SCAF8: variants seen among roughly 807,000 people sequenced by gnomAD.
The protein encoded by SCAF8 is SR-related CTD associated factor 8, also known as SR-related and CTD-associated factor 8.
In SCAF8, 23 loss-of-function variants were observed where a neutral mutation model predicts 140.5. The observed-to-expected ratio is 0.16, with a 90% CI of 0.12 to 0.23. The LOEUF (loss-of-function observed/expected upper bound fraction) is 0.23, where lower values mean the gene tolerates loss of function less well. SCAF8 is among the 10% of genes least tolerant of loss of function. The pLI is 1.00. For missense variants in SCAF8, 1,397 were observed against 1,555.7 expected (o/e 0.90, Z 1.72); for synonymous variants, 575 against 528.9 (o/e 1.09, Z -1.20).
chr6:154,822,870 G>T (rs1299436087), intron 16 of SCAF8, among the ~76,000 whole-genome samples: 6 of 152,128 alleles, frequency 3.9e-5, no homozygotes. Context: ...AGAAATCTCT[G>T]CCCTTTTGGA....
chr6:154,813,263 AC>A (rs1297066117), intron 12 of SCAF8, among the ~76,000 whole-genome samples: 4 of 151,942 alleles, frequency 2.6e-5, no homozygotes, highest in African/African-American at 9.7e-5. Context: ...ACTGGCTCAA[AC>A]CTATAATCCC....
intron 7 of SCAF8, among the ~76,000 whole-genome samples, 161 bp from the exon 8 acceptor site, chr6:154,803,383 C>T (rs1395221417): frequency 6.6e-6 from 1 of 152,068 alleles, no homozygotes; most frequent in Non-Finnish European, 1.5e-5. Context: ...AAGAAAAGAT[C>T]TACTCAAAAC....
intron 1 of SCAF8, among the ~76,000 whole-genome samples, chr6:154,742,454 A>G (rs1582993486): frequency 1.3e-5 from 2 of 152,208 alleles, no homozygotes; most frequent in Non-Finnish European, 2.9e-5. Flanking sequence ...TTCTAATTAT[A>G]GAGGCAGCAG....
At chr6:154,734,458 A>T (rs1406538070) in intron 1 of SCAF8, among the ~76,000 whole-genome samples, 4 of 152,230 alleles carry the variant, frequency 2.6e-5, no homozygotes, top group African/African-American at 9.6e-5. Context: ...GTAATTTGCC[A>T]GCTAGGGACT....
At chr6:154,749,522 G>A (rs1357042458) in intron 1 of SCAF8, among the ~76,000 whole-genome samples, 1 of 152,128 alleles carries the variant, frequency 6.6e-6, no homozygotes, top group Non-Finnish European at 1.5e-5. Context: ...GGAATATGAT[G>A]AAAAGTAATA....
intron 2 of SCAF8, among the ~76,000 whole-genome samples, chr6:154,777,387 G>A (rs969937370): frequency 2.6e-5 from 4 of 152,072 alleles, no homozygotes; most frequent in African/African-American, 9.7e-5. Flanking sequence ...TCTTAAAATT[G>A]ATAGTGGCCA....
At chr6:154,819,069 T>A (rs1449250883) in intron 14 of SCAF8, among the ~76,000 whole-genome samples, 1 of 134,870 alleles carries the variant, frequency 7.4e-6, no homozygotes, top group Middle Eastern at 3.5e-3. Context: ...TTCTTCCTAA[T>A]CTTTATACTG....
chr6:154,748,173 G>A (rs941864040), intron 1 of SCAF8, among the ~76,000 whole-genome samples: 4 of 152,030 alleles, frequency 2.6e-5, no homozygotes, highest in Non-Finnish European at 2.9e-5. Context: ...TACTGCACTC[G>A]CTAAGGGAAG....
chr6:154,803,651 T>C, intron 8 of SCAF8, 28 bp downstream of exon 8: 1 of 1,383,390 alleles, frequency 7.2e-7, no homozygotes, highest in Non-Finnish European at 1.0e-6. Flanking sequence ...ATAGCCATAG[T>C]TTTTTTATAT....
chr6:154,786,299 G>A (rs369921425), intron 3 of SCAF8, among the ~76,000 whole-genome samples: 9 of 152,336 alleles, frequency 5.9e-5, no homozygotes, highest in African/African-American at 2.2e-4. Flanking sequence ...AACTGGTTGA[G>A]CCAGATTACC....
intron 6 of SCAF8, among the ~76,000 whole-genome samples, chr6:154,799,805 A>G (rs1300831565): frequency 6.6e-6 from 1 of 150,872 alleles, no homozygotes; most frequent in African/African-American, 2.4e-5. Flanking sequence ...TTATTTAGAG[A>G]CAGGGTCTTG....
At chr6:154,740,175 C>G (rs756433211) in intron 1 of SCAF8, among the ~76,000 whole-genome samples, 68 of 152,054 alleles carry the variant, frequency 4.5e-4, no homozygotes, top group Non-Finnish European at 9.6e-4. Flanking sequence ...TTCACTAACC[C>G]CTTTCTGCTC....
chr6:154,777,931 A>T, intron 2 of SCAF8, 70 bp from the exon 3 acceptor site: 1 of 934,170 alleles, frequency 1.1e-6, no homozygotes, highest in Non-Finnish European at 1.7e-6. Flanking sequence ...TGTAAAACCT[A>T]TGGTTAGCAG....
At chr6:154,773,602 TTC>T (rs1317523944) in intron 1 of SCAF8, among the ~76,000 whole-genome samples, 1 of 152,200 alleles carries the variant, frequency 6.6e-6, no homozygotes, top group East Asian at 1.9e-4. Flanking sequence ...TGAATACATG[TTC>T]TCAGTTCTCT....
At chr6:154,764,940 T>C (rs2114830450) in intron 1 of SCAF8, among the ~76,000 whole-genome samples, 1 of 152,316 alleles carries the variant, frequency 6.6e-6, no homozygotes, top group Admixed American at 6.5e-5. Context: ...AGCTTGGTAG[T>C]TCCTAATAGC....
At chr6:154,760,711 G>A (rs1776357935) in intron 1 of SCAF8, among the ~76,000 whole-genome samples, 1 of 95,626 alleles carries the variant, frequency 1.0e-5, no homozygotes, top group South Asian at 3.8e-4. Context: ...TTTTTTCTTT[G>A]TGTTTTTTTT....
intron 11 of SCAF8, 60 bp from the exon 12 acceptor site, chr6:154,809,955 G>A (rs41292926): frequency 0.025 from 33,949 of 1,347,136 alleles, 629 homozygotes; most frequent in Middle Eastern, 0.056. Context: ...TCACTTAGAA[G>A]TGACAGATTT....
chr6:154,747,788 A>G (rs759322990), intron 1 of SCAF8, among the ~76,000 whole-genome samples: 11 of 151,708 alleles, frequency 7.3e-5, no homozygotes, highest in Non-Finnish European at 1.3e-4. Context: ...TTTTTTTTGC[A>G]TTGACCACGT....
rs774665105 is a variant in SCAF8, at chr6:154,796,355, C to CCG, written c.606+1216_606+1217insCG. Among the ~76,000 whole-genome samples the CCG allele has an allele frequency of 4.5e-3, 394 of 86,600 alleles. 2 individuals carry two copies. The highest frequency in any genetic ancestry group is 0.018 in the African/African-American group (362 of 19,988). The allele number at this position is 86,600 out of a possible 152,430, so 56.8% of individuals were successfully genotyped here. A position where few individuals can be genotyped will look rare whatever the true frequency, so the allele number is the denominator to read the frequency against. ...AATGATTCAGCATTGCAATCCTGTTCTCTCTCTCTCTCTCTCTCTCTCTCT... is the reference window on the plus strand; with the variant it reads ...AATGATTCAGCATTGCAATCCTGTTCCGTCTCTCTCTCTCTCTCTCTCTCTCT... On this transcript the variant is annotated intron_variant, in intron 6 of 19. Transcript: ENST00000367178.
Sources: gnomAD v4.1 joint callset for allele counts (sites outside exome capture counted in the v4.1 genomes callset) on GRCh38, gnomAD v4.1.1 for gene constraint, MANE v1.5 for transcripts, NCBI Gene and HGNC (gene_info 2026-07-23, HGNC 2026-07-21) for gene names.